The following ALCAM variants were observed in gnomAD, a reference collection of about 807,000 sequenced individuals.
ALCAM encodes activated leukocyte cell adhesion molecule, also known as CD166 antigen.
In ALCAM, 30 loss-of-function variants were observed where a neutral mutation model predicts 70.9. That is an observed-to-expected ratio of 0.42 (90% CI 0.32 to 0.57). ALCAM has a LOEUF of 0.57. ALCAM is among the 20% of genes least tolerant of loss of function. ALCAM has a pLI of 0.11. For synonymous variants in ALCAM, 249 were observed against 242.5 expected, an observed-to-expected ratio of 1.03 and a Z score of -0.25; for missense variants, 591 against 695.1, an observed-to-expected ratio of 0.85 and a Z score of 1.68.
At chr3:105,505,597 T>A (rs535790598) in intron 1 of ALCAM, among the ~76,000 whole-genome samples, 1 of 152,334 alleles carries the variant, frequency 6.6e-6, no homozygotes, top group Non-Finnish European at 1.5e-5. Context: ...AATAGCTTTA[T>A]GTCCAATTTA....
chr3:105,367,285 T>G lies in ALCAM; in HGVS notation c.-124T>G. On this transcript the variant is annotated 5_prime_UTR_variant, in exon 1 of 16. Transcript: ENST00000306107. ...CAGCGCCACAGCCCAGGGGACGGTG[T>G]GTCTGGGAGAAGACGCTGCCCCTGC... is the stretch of plus-strand genomic sequence containing the variant. The G allele has an allele frequency of 1.1e-6, 1 of 876,772 alleles. No homozygotes were observed. Among genetic ancestry groups the G allele is most frequent in the Non-Finnish European group, 1.8e-6 (1 of 556,286 alleles). The allele number at this position is 876,772 out of a possible 1,614,324, so 54.3% of individuals were successfully genotyped here.
At chr3:105,477,166 A>C (rs538139551) in intron 1 of ALCAM, among the ~76,000 whole-genome samples, 1 of 152,196 alleles carries the variant, frequency 6.6e-6, no homozygotes, top group South Asian at 2.1e-4. Context: ...AAAATGAACT[A>C]ATACAAATGT....
intron 1 of ALCAM, among the ~76,000 whole-genome samples, chr3:105,490,654 A>T (rs1938557340): frequency 6.6e-6 from 1 of 152,186 alleles, no homozygotes; most frequent in Non-Finnish European, 1.5e-5. Flanking sequence ...GCCCCATGCA[A>T]GTACAAACTC....
At chr3:105,412,675 G>T (rs1358931096) in intron 1 of ALCAM, among the ~76,000 whole-genome samples, 1 of 152,016 alleles carries the variant, frequency 6.6e-6, no homozygotes, top group Non-Finnish European at 1.5e-5. Context: ...AACTTACATT[G>T]AGCCCCAGAA....
chr3:105,452,398 T>C (rs1255525612), intron 1 of ALCAM, among the ~76,000 whole-genome samples: 2 of 152,224 alleles, frequency 1.3e-5, no homozygotes, highest in African/African-American at 4.8e-5. Flanking sequence ...GCAAAGGACA[T>C]AATCTCATTC....
chr3:105,511,256 T>G (rs962039754), intron 1 of ALCAM, among the ~76,000 whole-genome samples: 18 of 152,056 alleles, frequency 1.2e-4, no homozygotes, highest in African/African-American at 4.1e-4. Context: ...CCATTCTCAC[T>G]CAGTCCTTGA....
intron 1 of ALCAM, among the ~76,000 whole-genome samples, chr3:105,483,074 G>A (rs1035259893): frequency 1.3e-4 from 19 of 151,990 alleles, no homozygotes; most frequent in African/African-American, 4.1e-4. Context: ...TTTTGCCTAG[G>A]CTTTCATTTT....
At chr3:105,571,114 A>G (rs947443415) in intron 14 of ALCAM, among the ~76,000 whole-genome samples, 3 of 152,206 alleles carry the variant, frequency 2.0e-5, no homozygotes, top group African/African-American at 7.2e-5. Context: ...CCGCTAAGGC[A>G]TTGGTTTTCA....
intron 1 of ALCAM, among the ~76,000 whole-genome samples, chr3:105,476,271 T>A (rs1938105732): frequency 6.6e-6 from 1 of 152,098 alleles, no homozygotes; most frequent in Non-Finnish European, 1.5e-5. Flanking sequence ...TCCTTGAGCC[T>A]CCGGCATATG....
intron 1 of ALCAM, 59 bp downstream of exon 1, chr3:105,367,540 TC>T: frequency 6.3e-7 from 1 of 1,591,778 alleles, no homozygotes; most frequent in Non-Finnish European, 8.6e-7. Flanking sequence ...GTTTCCTAGG[TC>T]CCCGTCCCAG....
rs145837385 is a variant in ALCAM at position 105,559,155 on chromosome 3, G to A, written c.1664+6570G>A. 9.7e-3 allele frequency among the ~76,000 whole-genome samples: 1,427 copies of A among 147,860 alleles called. 15 individuals are homozygous for A. The highest frequency in any genetic ancestry group is 0.032 in the South Asian group (151 of 4,742). Reference sequence around the variant, plus strand: ...CATCATAATTTATATTTTATAAATTGTAAAATAAATGTATATATATTATAT... The same window carrying A: ...CATCATAATTTATATTTTATAAATTATAAAATAAATGTATATATATTATAT... On this transcript the variant is annotated intron_variant, in intron 14 of 15. Transcript: ENST00000306107.
intron 1 of ALCAM, among the ~76,000 whole-genome samples, chr3:105,511,561 G>T (rs1939237313): frequency 6.6e-6 from 1 of 151,976 alleles, no homozygotes; most frequent in South Asian, 2.1e-4. Flanking sequence ...CCTCCAGGGA[G>T]CTGTCAATTA....
intron 2 of ALCAM, among the ~76,000 whole-genome samples, chr3:105,521,043 T>C (rs1017485073): frequency 6.6e-6 from 1 of 152,122 alleles, no homozygotes; most frequent in Non-Finnish European, 1.5e-5. Context: ...GGCTCACGCC[T>C]GTAATCCCAG....
At chr3:105,497,358 G>A (rs919960876) in intron 1 of ALCAM, among the ~76,000 whole-genome samples, 2 of 151,982 alleles carry the variant, frequency 1.3e-5, no homozygotes, top group South Asian at 4.2e-4. Context: ...TTCCTAATTG[G>A]CCAACACTAC....
chr3:105,418,759 A>G (rs1936571193), intron 1 of ALCAM, among the ~76,000 whole-genome samples: 1 of 151,784 alleles, frequency 6.6e-6, no homozygotes, highest in African/African-American at 2.4e-5. Flanking sequence ...GAGCAAAAGC[A>G]GTGATTGATA....
intron 1 of ALCAM, among the ~76,000 whole-genome samples, chr3:105,460,105 G>T (rs1937583230): frequency 6.6e-6 from 1 of 151,996 alleles, no homozygotes; most frequent in South Asian, 2.1e-4. Flanking sequence ...GACAGTATGT[G>T]GTGGATAGTC....
intron 1 of ALCAM, among the ~76,000 whole-genome samples, chr3:105,462,744 A>C (rs1937621644): frequency 6.6e-6 from 1 of 151,408 alleles, no homozygotes; most frequent in Non-Finnish European, 1.5e-5. Context: ...ATCATCAAGC[A>C]GTTGAAAGCC....
intron 1 of ALCAM, among the ~76,000 whole-genome samples, chr3:105,458,705 A>G (rs1937565237): frequency 6.6e-6 from 1 of 152,194 alleles, no homozygotes; most frequent in Non-Finnish European, 1.5e-5. Flanking sequence ...TAAGGTGGAT[A>G]TTAAACCTGC....
chr3:105,471,902 C>CT (rs1222267609), intron 1 of ALCAM, among the ~76,000 whole-genome samples: 1 of 151,266 alleles, frequency 6.6e-6, no homozygotes, highest in African/African-American at 2.4e-5. Context: ...GTCATTCCTC[C>CT]TAACTATAAG....
Sources: allele counts gnomAD v4.1 joint callset (sites outside exome capture counted in the v4.1 genomes callset), GRCh38; gene constraint gnomAD v4.1.1; transcripts MANE v1.5; gene names NCBI Gene and HGNC (gene_info 2026-07-23, HGNC 2026-07-21).